Variants in ALG8 observed in about 807,000 individuals in gnomAD.
The protein encoded by ALG8 is dolichyl pyrophosphate Glc1Man9GlcNAc2 alpha-1,3-glucosyltransferase.
A neutral mutation model predicts 70.2 loss-of-function variants in ALG8; 48 were observed. The ratio of observed to expected loss-of-function variants is 0.68; its 90% confidence interval spans 0.54 to 0.87. The LOEUF is 0.87. Ranked by LOEUF, ALG8 falls within the 40% of genes least tolerant of loss-of-function variation. The probability of loss-of-function intolerance (pLI) is 0.00; values close to 1 mark genes in which losing one functional copy is unlikely to be tolerated. For missense variants in ALG8, 572 were observed against 608.7 expected, an observed-to-expected ratio of 0.94 and a Z score of 0.64; for synonymous variants, 234 against 229.0, an observed-to-expected ratio of 1.02 and a Z score of -0.20.
intron 1 of ALG8, among the ~76,000 whole-genome samples, chr11:78,130,634 TCTTTA>T (rs991742200): frequency 3.3e-5 from 5 of 152,278 alleles, no homozygotes; most frequent in African/African-American, 4.8e-5. Flanking sequence ...TTGGTAAGTC[TCTTTA>T]CTTTATGGTT....
chr11:78,123,631 T>C (rs1860930229), intron 3 of ALG8, among the ~76,000 whole-genome samples: 1 of 152,192 alleles, frequency 6.6e-6, no homozygotes, highest in Non-Finnish European at 1.5e-5. Context: ...ACGTGTGCGC[T>C]ACTGTGCATG....
chr11:78,128,535 AACTT>A (rs1438149977), intron 1 of ALG8, among the ~76,000 whole-genome samples: 1 of 151,796 alleles, frequency 6.6e-6, no homozygotes, highest in Non-Finnish European at 1.5e-5. Context: ...CTTTTTACGC[AACTT>A]ATTCTGCTCT....
intron 1 of ALG8, among the ~76,000 whole-genome samples, chr11:78,135,025 C>A (rs959438881): frequency 6.6e-6 from 1 of 152,168 alleles, no homozygotes; most frequent in Non-Finnish European, 1.5e-5. Flanking sequence ...GCAGATATAG[C>A]CTTATGAAAT....
At chr11:78,117,554 C>T (rs1225301533) in intron 5 of ALG8, among the ~76,000 whole-genome samples, 3 of 150,264 alleles carry the variant, frequency 2.0e-5, no homozygotes, top group Admixed American at 6.6e-5. Context: ...GGGAGGATCA[C>T]TTGTGGTCAG....
At chr11:78,128,612 C>CTTT (rs369506357) in intron 1 of ALG8, among the ~76,000 whole-genome samples, 11 of 137,902 alleles carry the variant, frequency 8.0e-5, no homozygotes, top group African/African-American at 2.2e-4. Context: ...TCCCAAATTA[C>CTTT]TTTTTTTTTT....
intron 1 of ALG8, among the ~76,000 whole-genome samples, chr11:78,132,956 C>A (rs190761529): frequency 1.3e-5 from 2 of 152,000 alleles, no homozygotes; most frequent in East Asian, 3.9e-4. Flanking sequence ...CCTGCCTCAG[C>A]CTCCCCAGTA....
rs1237654747 is a variant in ALG8 at position 78,139,545 on chromosome 11, G to A, written c.44C>T (p.Ser15Leu). 1.3e-6 allele frequency: 2 copies of A among 1,563,726 alleles called. No individual in the cohort carries two copies. The highest frequency in any genetic ancestry group is 1.7e-6 in the Non-Finnish European group (2 of 1,153,598). ...TIATGTGNWF[S>L]ALALGVTLLK... ...AAGAGTCACCCCGAGCGCCAAAGCC[G>A]AAAACCAATTGCCAGTACCCGTGGC... The change falls in exon 1 of 13, where the codon TCG becomes TTG. Residue 15 changes from serine to leucine, a missense_variant. Ser to Leu is a moderately radical substitution (Grantham distance 145). Transcript: ENST00000299626.
intron 1 of ALG8, among the ~76,000 whole-genome samples, chr11:78,133,728 A>G (rs543765988): frequency 6.6e-4 from 100 of 152,016 alleles, no homozygotes; most frequent in African/African-American, 2.3e-3. Context: ...GTGAAACCCC[A>G]TCTCTACTAA....
chr11:78,117,259 T>A (rs1456508953), intron 5 of ALG8, among the ~76,000 whole-genome samples: 1 of 152,152 alleles, frequency 6.6e-6, no homozygotes, highest in Non-Finnish European at 1.5e-5. Context: ...TGATGGTGTA[T>A]CAAAATTCCT....
rs529330253 is a variant in ALG8, at chr11:78,117,040, T to C, written c.546+2142A>G. ...AACACCAGTTATATTCTAATTACTA[T>C]GAAGCTTTTTATGGTTAAAAGAGAA... On this transcript the variant is annotated intron_variant, in intron 5 of 12. Coordinates refer to ENST00000299626, the MANE Select transcript of ALG8 (RefSeq NM_024079.5). Among the ~76,000 whole-genome samples, 33 of 152,356 alleles carry C rather than the reference T, an allele frequency of 2.2e-4. No homozygotes were observed. In the East Asian group the frequency reaches 5.8e-3, roughly 27 times the overall value.
Position 78,114,342 on chromosome 11 carries a change from C to G in ALG8, c.597G>C (p.Lys199Asn), listed in dbSNP as rs759448781. ...AFLFAVLLHF[K>N]HIYLYVAPAY... ...CTGGTGCTACATAGAGGTAGATATGCTTGAAATGTAGGAGAACAGCAAAGA... is the reference window on the plus strand; with the variant it reads ...CTGGTGCTACATAGAGGTAGATATGGTTGAAATGTAGGAGAACAGCAAAGA... The change falls in exon 6 of 13, where the codon AAG becomes AAC. Residue 199 changes from lysine (K) to asparagine (N), a missense_variant. By Grantham distance (94) the Lys-to-Asn change is moderately conservative (BLOSUM62 0). Transcript: ENST00000299626. 1.9e-6 allele frequency: 3 copies of G among 1,613,892 alleles called. No individual in the cohort carries two copies. In the African/African-American group the frequency reaches 4.0e-5, roughly 22 times the overall value.
chr11:78,103,217 T>C (rs1022126580), intron 12 of ALG8, among the ~76,000 whole-genome samples: 2 of 152,030 alleles, frequency 1.3e-5, no homozygotes, highest in Non-Finnish European at 2.9e-5. Flanking sequence ...TCCAGCACTA[T>C]GGGAGGCCAA....
chr11:78,103,931 G>T, intron 12 of ALG8, 49 bp downstream of exon 12: 1 of 1,059,928 alleles, frequency 9.4e-7, no homozygotes, highest in Non-Finnish European at 1.4e-6. Flanking sequence ...CCACTTAGGT[G>T]TAAACATTTC....
At chr11:78,123,732 G>A (rs1454151186) in intron 3 of ALG8, among the ~76,000 whole-genome samples, 1 of 152,126 alleles carries the variant, frequency 6.6e-6, no homozygotes, top group South Asian at 2.1e-4. Flanking sequence ...GAGCTATTCT[G>A]GGTGGGAGAA....
intron 1 of ALG8, among the ~76,000 whole-genome samples, chr11:78,129,369 G>A (rs1362412970): frequency 6.6e-6 from 1 of 150,764 alleles, no homozygotes; most frequent in Non-Finnish European, 1.5e-5. Flanking sequence ...GCAGTGAGCT[G>A]AGATCGCGCC....
At chr11:78,139,471 C>T in intron 1 of ALG8, 23 bp downstream of exon 1, 1 of 1,552,276 alleles carries the variant, frequency 6.4e-7, no homozygotes, top group Non-Finnish European at 8.7e-7. Flanking sequence ...CCCGCCCAGC[C>T]CCTGGCCGTG....
intron 1 of ALG8, chr11:78,138,686 T>C (rs908017633): frequency 4.4e-6 from 2 of 454,958 alleles, no homozygotes; most frequent in Admixed American, 4.7e-5. Context: ...CGGAAGCCAA[T>C]ATTAATAAAT....
chr11:78,117,779 T>A (rs7111745), intron 5 of ALG8, among the ~76,000 whole-genome samples: 21,758 of 127,400 alleles, frequency 0.17, 1,689 homozygotes, highest in Middle Eastern at 0.37. Flanking sequence ...CTCCAACTCT[T>A]AAGAAAAAAA....
At chr11:78,121,023 T>A in intron 4 of ALG8, 42 bp downstream of exon 4, 1 of 1,465,950 alleles carries the variant, frequency 6.8e-7, no homozygotes, top group Non-Finnish European at 9.6e-7. Context: ...TTAGTATACA[T>A]CAGAATTAGT....
Sources: allele counts gnomAD v4.1 joint callset (sites outside exome capture counted in the v4.1 genomes callset), GRCh38; gene constraint gnomAD v4.1.1; transcripts MANE v1.5; gene names NCBI Gene and HGNC (gene_info 2026-07-23, HGNC 2026-07-21).